Variants in ZFAND2A observed in about 807,000 individuals in gnomAD.
The protein encoded by ZFAND2A is AN1-type zinc finger protein 2A.
ZFAND2A carries 20 observed loss-of-function variants against 11.6 expected under a neutral mutation model. The observed-to-expected ratio is 1.72, with a 90% confidence interval of 1.21 to 2.50. ZFAND2A has a LOEUF of 2.50. ZFAND2A is among the 30% of genes most tolerant of loss of function. The pLI is 0.00. For missense variants in ZFAND2A, 234 were observed against 182.9 expected (o/e 1.28, Z -1.61); for synonymous variants, 93 against 60.6 (o/e 1.54, Z -2.48).
At chr7:1,159,851 G>T in intron 1 of ZFAND2A, 113 bp downstream of exon 1, 1 of 158,454 alleles carries the variant, frequency 6.3e-6, no homozygotes, top group Non-Finnish European at 1.4e-5. Context: ...CCAGCAAGCA[G>T]CCGGACTTTC....
At chr7:1,158,438 T>C (rs1046451678) in intron 1 of ZFAND2A, among the ~76,000 whole-genome samples, 181 bp from the exon 2 acceptor site, 17 of 152,246 alleles carry the variant, frequency 1.1e-4, no homozygotes, top group African/African-American at 4.1e-4. Context: ...AGACACGGAC[T>C]CCTTCACAGG....
At chr7:1,158,310 C>A in intron 1 of ZFAND2A, 53 bp from the exon 2 acceptor site, 1 of 1,075,870 alleles carries the variant, frequency 9.3e-7, no homozygotes, top group South Asian at 1.3e-5. Context: ...CTTCAGTCAC[C>A]AGGATTTACA....
intron 4 of ZFAND2A, among the ~76,000 whole-genome samples, chr7:1,154,886 G>A (rs1415717099): frequency 1.3e-5 from 2 of 152,192 alleles, no homozygotes; most frequent in East Asian, 1.9e-4. Context: ...TTGGGAGGCT[G>A]AGGCGGGCAG....
At chr7:1,149,158 T>G (rs1793352429), downstream of ZFAND2A, among the ~76,000 whole-genome samples, 1 of 152,122 alleles carries the variant, frequency 6.6e-6, no homozygotes, top group Admixed American at 6.6e-5. Context: ...CTTTAAAAAT[T>G]AAAAACATTT....
chr7:1,155,530 C>T lies in ZFAND2A; in HGVS notation c.205G>A (p.Gly69Ser), dbSNP rs541146016. 5.6e-6 allele frequency: 9 copies of T among 1,613,850 alleles called. No individual in the cohort carries two copies. The highest frequency in any genetic ancestry group is 5.5e-5 in the South Asian group (5 of 91,046). The change falls in exon 4 of 5, where the codon GGC becomes AGC. Residue 69 changes from glycine (G) to serine (S), a missense_variant. By Grantham distance (56) the Gly-to-Ser change is moderately conservative. Transcript: ENST00000316495. Reference sequence around the variant, plus strand: ...CCAACCACCACGTCTGGTATCTGGCCCTTTTTTACTGGGATGGGGGTATTA... The same window carrying T: ...CCAACCACCACGTCTGGTATCTGGCTCTTTTTTACTGGGATGGGGGTATTA... ...LCNTPIPVKK[G>S]QIPDVVVGDH...
Position 1,155,367 on chromosome 7 carries a change from G to T in ZFAND2A, c.282+86C>A, listed in dbSNP as rs1793497488. 4 of 1,551,726 alleles carry T rather than the reference G, an allele frequency of 2.6e-6. No homozygotes were observed. In the African/African-American group the frequency reaches 5.5e-5, roughly 21 times the overall value. On this transcript the variant is annotated intron_variant, in intron 4 of 4. Transcript: ENST00000316495. ...TTCTACTTTGTACATAAACTATTGG[G>T]AGTAATTTTCAGGTAGCAAACTGAC...
rs200637413 is a variant in ZFAND2A, at chr7:1,155,505, C to G, written c.230G>C (p.Gly77Ala). Residue 77 changes from glycine to alanine, a missense_variant, in exon 4 of 5, where the codon GGT (glycine) becomes GCT (alanine). Physicochemically the swap from Gly to Ala is moderately conservative, Grantham distance 60. Transcript: ENST00000316495. ...KKGQIPDVVV[G>A]DHIDRDCDSH... Reference sequence around the variant, plus strand: ...GTCACAGTCTCTGTCAATGTGATCACCAACCACCACGTCTGGTATCTGGCC... The same window carrying G: ...GTCACAGTCTCTGTCAATGTGATCAGCAACCACCACGTCTGGTATCTGGCC... The G allele has an allele frequency of 8.7e-6, 14 of 1,613,974 alleles. No individual in the cohort carries two copies. The East Asian group carries it at 2.2e-4, about 26-fold the overall frequency.
chr7:1,153,299 G>A (rs1185084835), intron 4 of ZFAND2A, 75 bp from the exon 5 acceptor site: 2 of 1,534,796 alleles, frequency 1.3e-6, no homozygotes, highest in African/African-American at 1.4e-5. Flanking sequence ...CCAGGCTGGA[G>A]TGCAGTGGCT....
intron 1 of ZFAND2A, among the ~76,000 whole-genome samples, chr7:1,159,011 A>C (rs1793605505): frequency 6.6e-6 from 1 of 152,052 alleles, no homozygotes; most frequent in Non-Finnish European, 1.5e-5. Flanking sequence ...CTGTCGCCTA[A>C]GACTGGAACA....
chr7:1,155,535 T>G lies in ZFAND2A; in HGVS notation c.200A>C (p.Lys67Thr), dbSNP rs1793504052. The G allele has an allele frequency of 6.2e-7, 1 of 1,613,700 alleles. No homozygotes were observed. The highest frequency in any genetic ancestry group is 1.3e-5 in the African/African-American group (1 of 74,836). ...CACCACGTCTGGTATCTGGCCCTTTTTTACTGGGATGGGGGTATTACAGAG... is the reference window on the plus strand; with the variant it reads ...CACCACGTCTGGTATCTGGCCCTTTGTTACTGGGATGGGGGTATTACAGAG... ...CPLCNTPIPV[K>T]KGQIPDVVVG... is the part of the protein sequence containing the mutation. The change falls in exon 4 of 5, where the codon AAA becomes ACA. Residue 67 changes from lysine to threonine, a missense_variant. Coordinates refer to ENST00000316495, the MANE Select transcript of ZFAND2A (RefSeq NM_182491.4).
Position 1,153,029 on chromosome 7 carries a change from T to C in ZFAND2A, c.*40A>G, listed in dbSNP as rs746771288. On this transcript the variant is annotated 3_prime_UTR_variant, in exon 5 of 5. Coordinates refer to ENST00000316495, the MANE Select transcript of ZFAND2A (RefSeq NM_182491.4). ...CTAGAGTGTAAGCTGCTTCCACGCA[T>C]GCTACTGCGTGCTCCGAGCCATCGC... The C allele has an allele frequency of 6.2e-7, 1 of 1,613,084 alleles. No homozygotes were observed. Among genetic ancestry groups the C allele is most frequent in the South Asian group, 1.1e-5 (1 of 90,916 alleles).
chr7:1,153,309 T>C (rs1048898200), intron 4 of ZFAND2A, 85 bp from the exon 5 acceptor site: 1 of 1,480,602 alleles, frequency 6.8e-7, no homozygotes, highest in Non-Finnish European at 9.2e-7. Flanking sequence ...GTGCAGTGGC[T>C]TGATCTTGGC....
intron 3 of ZFAND2A, among the ~76,000 whole-genome samples, chr7:1,156,538 C>T (rs1303888270): frequency 7.8e-4 from 82 of 104,818 alleles, no homozygotes; most frequent in Middle Eastern, 6.0e-3. Context: ...AGGGGTGGAC[C>T]GCCCAGCAGC....
downstream of ZFAND2A, among the ~76,000 whole-genome samples, chr7:1,150,603 T>C (rs78601593): frequency 6.8e-3 from 1,031 of 152,316 alleles, 8 homozygotes; most frequent in South Asian, 0.016. Flanking sequence ...AGGCCGCATC[T>C]GTCATCTGAG....
At chr7:1,155,261 T>A (rs977794702) in intron 4 of ZFAND2A, among the ~76,000 whole-genome samples, 192 bp downstream of exon 4, 5 of 152,184 alleles carry the variant, frequency 3.3e-5, no homozygotes, top group Non-Finnish European at 7.3e-5. Context: ...GGATCCCTCA[T>A]ATTAAAGAAC....
rs201927513 is a variant in ZFAND2A, at chr7:1,158,110, T to A, written c.55+48A>T. On this transcript the variant is annotated intron_variant, in intron 2 of 4. Coordinates refer to ENST00000316495, the MANE Select transcript of ZFAND2A (RefSeq NM_182491.4). Reference sequence around the variant, plus strand: ...AGCTAATTAACAGAACAGCCAGCTTTCCCCCAACAAAATACCATTTTCTAT... The same window carrying A: ...AGCTAATTAACAGAACAGCCAGCTTACCCCCAACAAAATACCATTTTCTAT... 245 of 1,571,672 alleles carry A rather than the reference T, an allele frequency of 1.6e-4. 2 individuals carry two copies. The highest frequency in any genetic ancestry group is 1.5e-4 in the Non-Finnish European group (166 of 1,143,666).
At position 1,158,622 on chromosome 7, in the gene ZFAND2A, A is replaced by G. The variant is rs551738086; in HGVS notation, c.-45-365T>C. ...TTGTTCACATAAACAAAACTCTGTT[A>G]CTAGGTGCTAAATCACATCAGTTGA... On this transcript the variant is annotated intron_variant, in intron 1 of 4. Coordinates refer to ENST00000316495, the MANE Select transcript of ZFAND2A (RefSeq NM_182491.4). Among the ~76,000 whole-genome samples, 52 of 152,338 alleles carry G rather than the reference A, an allele frequency of 3.4e-4. 1 individual carries two copies. In the South Asian group the frequency reaches 0.01, roughly 30 times the overall value.
downstream of ZFAND2A, among the ~76,000 whole-genome samples, chr7:1,151,138 T>C (rs1485467495): frequency 3.3e-5 from 5 of 152,266 alleles, no homozygotes; most frequent in East Asian, 9.7e-4. Flanking sequence ...TCCGCCTGCC[T>C]CCGCCTCCCA....
chr7:1,153,095 TC>T lies in ZFAND2A; in HGVS notation c.411del (p.Ser138ValfsTer?). On this transcript the variant is annotated frameshift_variant, in exon 5 of 5. Transcript: ENST00000316495. LOFTEE classifies it low-confidence loss of function (END_TRUNC). ...RHPLDHSCRHGSRPTIKAG is the reference protein window; with the variant it reads ...RHPLDHSCRHXSRPTIKAG ...CACCCAGCTTTGATGGTGGGGCGACTCCCGTGTCTGCAGCTGTGGTCCAAAG... is the reference window on the plus strand; with the variant it reads ...CACCCAGCTTTGATGGTGGGGCGACTCCGTGTCTGCAGCTGTGGTCCAAAG... 1.2e-6 allele frequency: 2 copies of T among 1,614,134 alleles called. No individual in the cohort carries two copies. Among genetic ancestry groups the T allele is most frequent in the Non-Finnish European group, 1.7e-6 (2 of 1,180,020 alleles).
Sources: gnomAD v4.1 joint callset for allele counts (sites outside exome capture counted in the v4.1 genomes callset) on GRCh38, gnomAD v4.1.1 for gene constraint, MANE v1.5 for transcripts, NCBI Gene and HGNC (gene_info 2026-07-23, HGNC 2026-07-21) for gene names.